Variants in BIRC6 observed in about 807,000 individuals in gnomAD.
BIRC6 encodes baculoviral IAP repeat containing 6.
A neutral mutation model predicts 503.3 loss-of-function variants in BIRC6; 98 were observed. The ratio of observed to expected loss-of-function variants is 0.19; its 90% CI spans 0.17 to 0.23. The LOEUF (loss-of-function observed/expected upper bound fraction) is 0.23. Ranked by LOEUF, BIRC6 falls within the 10% of genes least tolerant of loss-of-function variation. The pLI, the probability that BIRC6 is intolerant of heterozygous loss-of-function variation, is 1.00. For synonymous variants in BIRC6, 2,240 were observed against 2,078.7 expected (o/e 1.08, Z -2.11); for missense variants, 5,360 against 5,806.0 (o/e 0.92, Z 2.50).
At chr2:32,483,782 G>A (rs192163884) in intron 39 of BIRC6, among the ~76,000 whole-genome samples, 78 of 152,164 alleles carry the variant, frequency 5.1e-4, no homozygotes, top group African/African-American at 1.8e-3. Context: ...ATGCATCTTC[G>A]AAGGAATATT....
intron 10 of BIRC6, 113 bp from the exon 11 acceptor site, chr2:32,429,033 C>G: frequency 1.1e-6 from 1 of 903,992 alleles, no homozygotes; most frequent in Non-Finnish European, 1.6e-6. Flanking sequence ...ACATTGGTAG[C>G]TTTCCTTATC....
chr2:32,553,028 A>C (rs940782621), intron 65 of BIRC6, among the ~76,000 whole-genome samples: 13 of 146,756 alleles, frequency 8.9e-5, no homozygotes, highest in Admixed American at 6.7e-4. Flanking sequence ...CTAAAAAAAA[A>C]AAACAAACAA....
intron 42 of BIRC6, 125 bp from the exon 43 acceptor site, chr2:32,489,916 G>T: frequency 1.6e-6 from 1 of 637,890 alleles, no homozygotes; most frequent in Non-Finnish European, 2.8e-6. Flanking sequence ...TGCATGTTTT[G>T]AAGACACTGG....
intron 64 of BIRC6, chr2:32,548,795 A>G (rs1414316839): frequency 6.6e-6 from 1 of 152,236 alleles, no homozygotes; most frequent in African/African-American, 2.4e-5. Context: ...AAAAATGAAT[A>G]GATAAATAAA....
rs796372888 is a variant in BIRC6, at chr2:32,421,907, A to G, written c.2872+5744A>G. 8.5e-5 allele frequency among the ~76,000 whole-genome samples: 13 copies of G among 152,288 alleles called. 1 individual carries two copies. The highest frequency in any genetic ancestry group is 3.1e-4 in the African/African-American group (13 of 41,562). On this transcript the variant is annotated intron_variant, in intron 10 of 73. Transcript: ENST00000421745. ...TTTTATATTGAGCCTTCTTCTATCA[A>G]TTTTGAGAGCAAGTATTGAAATCCC...
intron 1 of BIRC6, among the ~76,000 whole-genome samples, chr2:32,367,078 T>C (rs2035049826): frequency 6.6e-6 from 1 of 152,172 alleles, no homozygotes; most frequent in Admixed American, 6.6e-5. Flanking sequence ...TAGAAGAGAA[T>C]ATCATATAGA....
intron 23 of BIRC6, among the ~76,000 whole-genome samples, chr2:32,456,088 C>T (rs968680290): frequency 6.6e-6 from 1 of 152,158 alleles, no homozygotes; most frequent in African/African-American, 2.4e-5. Context: ...AGAACATTTC[C>T]AGCACCCCAA....
chr2:32,401,708 G>C (rs2040613714), intron 8 of BIRC6, 85 bp downstream of exon 8: 7 of 1,251,614 alleles, frequency 5.6e-6, no homozygotes, highest in Admixed American at 2.7e-5. Context: ...TAATTAAAGA[G>C]GAGGAAAAAA....
chr2:32,492,776 G>A lies in BIRC6; in HGVS notation c.8341-764G>A, dbSNP rs564311557. ...GGTTTTATATAGGAAGTTCTGATACGAAAGCTATAATTTGTATGCTCAGTA... is the reference window on the plus strand; with the variant it reads ...GGTTTTATATAGGAAGTTCTGATACAAAAGCTATAATTTGTATGCTCAGTA... On this transcript the variant is annotated intron_variant, in intron 44 of 73. Transcript: ENST00000421745. Among the ~76,000 whole-genome samples, 367 of 152,044 alleles carry A rather than the reference G, an allele frequency of 2.4e-3. 1 individual carries two copies. The highest frequency in any genetic ancestry group is 3.7e-3 in the South Asian group (18 of 4,826).
intron 37 of BIRC6, 65 bp downstream of exon 37, chr2:32,479,682 TG>T (rs1170733333): frequency 3.7e-6 from 5 of 1,342,104 alleles, no homozygotes; most frequent in Non-Finnish European, 5.1e-6. Flanking sequence ...AAATAAAGAA[TG>T]TTAGAGAAAA....
intron 65 of BIRC6, among the ~76,000 whole-genome samples, chr2:32,571,311 A>C (rs978947704): frequency 7.0e-5 from 10 of 143,644 alleles, no homozygotes; most frequent in African/African-American, 2.6e-4. Context: ...TAGTTTTGGG[A>C]GGACTTGTAT....
chr2:32,459,321 C>T (rs963721257), intron 23 of BIRC6, among the ~76,000 whole-genome samples: 5 of 152,094 alleles, frequency 3.3e-5, no homozygotes, highest in African/African-American at 9.7e-5. Context: ...CATTCATCTA[C>T]GGGTAAAGAT....
intron 72 of BIRC6, among the ~76,000 whole-genome samples, chr2:32,609,415 T>C (rs922515293): frequency 6.6e-6 from 1 of 152,140 alleles, no homozygotes; most frequent in Non-Finnish European, 1.5e-5. Context: ...CTTGCTGTGA[T>C]TGTGTCCAGA....
At position 32,357,454 on chromosome 2, in the gene BIRC6, CG is replaced by C. The variant is rs1260059167; in HGVS notation, c.298del (p.Ala100ProfsTer16). 6.4e-7 allele frequency: 1 copy of C among 1,550,520 alleles called. No homozygotes were observed. Among genetic ancestry groups the C allele is most frequent in the Non-Finnish European group, 8.7e-7 (1 of 1,147,216 alleles). Reference protein sequence around the residue: ...RGTIKVIDGTSGATLQASALS... With the variant: ...RGTIKVIDGTXGATLQASALS... ...ACCATCAAAGTCATCGACGGCACCT[CG>C]GGGGCCACACTGCAGGCCTCCGCGC... On this transcript the variant is annotated frameshift_variant, in exon 1 of 74. Transcript: ENST00000421745. LOFTEE classifies it high-confidence loss of function. The surrounding 1 kb of genome is among the most constrained non-coding windows in gnomAD (Gnocchi z 4.9).
intron 1 of BIRC6, among the ~76,000 whole-genome samples, chr2:32,359,667 G>C (rs891961700): frequency 6.6e-6 from 1 of 152,254 alleles, no homozygotes. Context: ...AAAAAATTTG[G>C]AAGTTAACAA....
chr2:32,440,677 A>G (rs564277592), intron 16 of BIRC6, among the ~76,000 whole-genome samples: 44 of 152,032 alleles, frequency 2.9e-4, no homozygotes, highest in Non-Finnish European at 5.1e-4. Context: ...TTAAATACTG[A>G]AAGTGAGTGA....
rs542703365 is a variant in BIRC6 at position 32,370,066 on chromosome 2, A to G, written c.326-7522A>G. 3.6e-4 allele frequency among the ~76,000 whole-genome samples: 54 copies of G among 148,614 alleles called. 1 individual carries two copies. The South Asian group carries it at 4.9e-3, about 13-fold the overall frequency. On this transcript the variant is annotated intron_variant, in intron 1 of 73. Coordinates refer to ENST00000421745, the MANE Select transcript of BIRC6 (RefSeq NM_016252.4). ...TATATATATGTGTGTATGTATACAC[A>G]CACACACACACACACAGCACGCACG...
At chr2:32,562,874 A>G (rs1171290687) in intron 65 of BIRC6, among the ~76,000 whole-genome samples, 1 of 151,858 alleles carries the variant, frequency 6.6e-6, no homozygotes, top group African/African-American at 2.4e-5. Context: ...TTTTTTTGGC[A>G]TTTATGAATA....
chr2:32,412,141 C>T (rs990483318), intron 9 of BIRC6, among the ~76,000 whole-genome samples: 2 of 152,016 alleles, frequency 1.3e-5, no homozygotes, highest in African/African-American at 4.8e-5. Context: ...TCCTGTGTTT[C>T]AGTATAGAAA....
Sources: gnomAD v4.1 joint callset for allele counts (sites outside exome capture counted in the v4.1 genomes callset) on GRCh38, gnomAD v4.1.1 for gene constraint, Gnocchi (gnomAD v3.1) non-coding constraint, MANE v1.5 for transcripts, NCBI Gene and HGNC (gene_info 2026-07-23, HGNC 2026-07-21) for gene names.